Variants in ADGB observed in about 807,000 individuals in gnomAD.
The protein encoded by ADGB is androglobin.
A neutral mutation model predicts 210.5 loss-of-function variants in ADGB; 172 were observed. The ratio of observed to expected loss-of-function variants is 0.82; its 90% CI spans 0.72 to 0.93. The LOEUF (loss-of-function observed/expected upper bound fraction) is 0.93. ADGB is among the 40% of genes least tolerant of loss of function. The pLI is 0.00. For synonymous variants in ADGB, 658 were observed against 662.7 expected, an observed-to-expected ratio of 0.99 and a Z score of 0.11; for missense variants, 2,025 against 1,964.8, an observed-to-expected ratio of 1.03 and a Z score of -0.58.
At chr6:146,707,580 T>C (rs1462780468) in intron 13 of ADGB, among the ~76,000 whole-genome samples, 1 of 152,166 alleles carries the variant, frequency 6.6e-6, no homozygotes, top group Non-Finnish European at 1.5e-5. Flanking sequence ...TTTATCATTA[T>C]GAAATAACCT....
intron 29 of ADGB, among the ~76,000 whole-genome samples, chr6:146,771,645 T>C (rs1460111126): frequency 6.6e-6 from 1 of 152,184 alleles, no homozygotes; most frequent in Non-Finnish European, 1.5e-5. Context: ...GTACAAATCA[T>C]GTGGTAATTT....
chr6:146,621,473 C>G (rs1191600308), intron 1 of ADGB, among the ~76,000 whole-genome samples: 1 of 152,112 alleles, frequency 6.6e-6, no homozygotes, highest in Non-Finnish European at 1.5e-5. Flanking sequence ...GATTGACCGT[C>G]CACCTCTCAT....
chr6:146,757,904 G>A (rs945142463), intron 27 of ADGB, among the ~76,000 whole-genome samples: 2 of 151,978 alleles, frequency 1.3e-5, no homozygotes, highest in Non-Finnish European at 2.9e-5. Context: ...GTGTGAATAA[G>A]ACTTTGAGGA....
intron 33 of ADGB, among the ~76,000 whole-genome samples, chr6:146,793,403 G>T (rs35480873): frequency 6.6e-6 from 1 of 152,096 alleles, no homozygotes; most frequent in Non-Finnish European, 1.5e-5. Flanking sequence ...GCTGGGAATG[G>T]GGTGATGACC....
At chr6:146,661,220 C>CT (rs5880682) in intron 5 of ADGB, among the ~76,000 whole-genome samples, 39,424 of 115,858 alleles carry the variant, frequency 0.34, 7,256 homozygotes, top group East Asian at 0.49. Context: ...TTCTTTTTTT[C>CT]TTTTTTTTTT....
intron 10 of ADGB, 37 bp downstream of exon 10, chr6:146,685,865 TTG>T: frequency 7.2e-7 from 1 of 1,380,856 alleles, no homozygotes. Context: ...ATTATTTATT[TTG>T]TGTGTGTGGG....
chr6:146,637,856 G>A (rs1384719463), intron 2 of ADGB, among the ~76,000 whole-genome samples: 1 of 151,862 alleles, frequency 6.6e-6, no homozygotes, highest in African/African-American at 2.4e-5. Context: ...CCAAAAAATT[G>A]AGAAGGAGAC....
At chr6:146,807,992 GTTT>G (rs369961809) in intron 35 of ADGB, among the ~76,000 whole-genome samples, 14 of 103,140 alleles carry the variant, frequency 1.4e-4, no homozygotes, top group African/African-American at 4.2e-4. Context: ...CTATGCTTCA[GTTT>G]TTTTTTTTTT....
intron 1 of ADGB, among the ~76,000 whole-genome samples, chr6:146,605,961 A>C (rs1377816315): frequency 6.6e-6 from 1 of 152,180 alleles, no homozygotes; most frequent in Non-Finnish European, 1.5e-5. Flanking sequence ...TTCTGGGTCA[A>C]ATGGTGGTCC....
intron 7 of ADGB, among the ~76,000 whole-genome samples, chr6:146,671,123 A>G (rs1205499360): frequency 2.0e-5 from 3 of 152,204 alleles, no homozygotes; most frequent in African/African-American, 7.2e-5. Context: ...ATCTAGATAG[A>G]TAGGCCTTTT....
At chr6:146,811,509 CAT>C (rs1162590605) in intron 35 of ADGB, among the ~76,000 whole-genome samples, 1 of 149,854 alleles carries the variant, frequency 6.7e-6, no homozygotes, top group Non-Finnish European at 1.5e-5. Flanking sequence ...CAAGTAGTAA[CAT>C]TATTATATAT....
intron 26 of ADGB, among the ~76,000 whole-genome samples, chr6:146,748,397 C>T (rs1166630423): frequency 6.6e-6 from 1 of 152,130 alleles, no homozygotes; most frequent in Admixed American, 6.6e-5. Context: ...AAACTATTAA[C>T]AGAAGTGTGA....
intron 5 of ADGB, among the ~76,000 whole-genome samples, chr6:146,663,181 T>TATAATTATA (rs1490666801): frequency 1.3e-3 from 188 of 141,442 alleles, no homozygotes; most frequent in African/African-American, 4.5e-3. Context: ...ATATTATATA[T>TATAATTATA]TATATATAAT....
At chr6:146,812,510 C>T (rs3861404) in intron 35 of ADGB, among the ~76,000 whole-genome samples, 49,698 of 150,700 alleles carry the variant, frequency 0.33, 8,822 homozygotes, top group East Asian at 0.68. Context: ...TTACACATTT[C>T]TGTGAGATTT....
chr6:146,752,474 G>T, intron 26 of ADGB, 56 bp from the exon 27 acceptor site: 1 of 1,445,174 alleles, frequency 6.9e-7, no homozygotes, highest in Non-Finnish European at 9.3e-7. Context: ...CTCACTTACT[G>T]ACTTGAGAGA....
At chr6:146,630,949 C>A (rs1028191134) in intron 1 of ADGB, among the ~76,000 whole-genome samples, 2 of 152,102 alleles carry the variant, frequency 1.3e-5, no homozygotes, top group Non-Finnish European at 2.9e-5. Context: ...GAAAGAACAT[C>A]TTCTCAACAC....
intron 12 of ADGB, among the ~76,000 whole-genome samples, chr6:146,695,970 T>C (rs1351040639): frequency 2.0e-5 from 3 of 152,146 alleles, no homozygotes; most frequent in Non-Finnish European, 4.4e-5. Context: ...CAATTTTATT[T>C]AATAAATAAA....
At position 146,602,269 on chromosome 6, in the gene ADGB, A is replaced by G. The variant is rs1780567219; in HGVS notation, c.74+3155A>G. On this transcript the variant is annotated intron_variant, in intron 1 of 35. Coordinates refer to ENST00000397944, the MANE Select transcript of ADGB (RefSeq NM_024694.4). Reference sequence around the variant, plus strand: ...GGGTCCTTTAATTGAAATTGCTCTTACCCCAGCATGTCCTGTTCTCCCTTC... The same window carrying G: ...GGGTCCTTTAATTGAAATTGCTCTTGCCCCAGCATGTCCTGTTCTCCCTTC... Among the ~76,000 whole-genome samples the G allele has an allele frequency of 2.0e-5, 3 of 152,166 alleles. No individual in the cohort carries two copies. In the South Asian group the frequency reaches 6.2e-4, roughly 32 times the overall value.
At chr6:146,736,714 G>A (rs1777084667) in intron 23 of ADGB, 123 bp downstream of exon 23, 2 of 517,292 alleles carry the variant, frequency 3.9e-6, no homozygotes, top group African/African-American at 2.0e-5. Context: ...CCATTACTTC[G>A]GACCTTCCAC....
Sources: gnomAD v4.1 joint callset for allele counts (sites outside exome capture counted in the v4.1 genomes callset) on GRCh38, gnomAD v4.1.1 for gene constraint, MANE v1.5 for transcripts, NCBI Gene and HGNC (gene_info 2026-07-23, HGNC 2026-07-21) for gene names.